Variants in RABGAP1L observed in about 807,000 individuals in gnomAD.
The protein encoded by RABGAP1L is rab GTPase-activating protein 1-like.
RABGAP1L carries 63 observed loss-of-function variants against 137.7 expected under a neutral mutation model. The observed-to-expected ratio is 0.46, with a 90% CI of 0.37 to 0.56. The LOEUF (loss-of-function observed/expected upper bound fraction) is 0.56. RABGAP1L is among the 20% of genes least tolerant of loss of function. The probability of loss-of-function intolerance (pLI) is 0.00; values close to 1 mark genes in which losing one functional copy is unlikely to be tolerated. For synonymous variants in RABGAP1L, 431 were observed against 433.7 expected (o/e 0.99, Z 0.08); for missense variants, 1,095 against 1,244.0 (o/e 0.88, Z 1.80).
At position 174,931,988 on chromosome 1, in the gene RABGAP1L, T is replaced by C. The variant is rs551384421; in HGVS notation, c.2341-25469T>C. ...ATAAAATTTCTTTAGACTGCTTTTT[T>C]GGTTTTTTTTTTTTTTTTTTTTTTT... On this transcript the variant is annotated intron_variant, in intron 19 of 25. Coordinates refer to ENST00000681986, the MANE Select transcript of RABGAP1L (RefSeq NM_001366446.1). Among the ~76,000 whole-genome samples, 2 of 129,556 alleles carry C rather than the reference T, an allele frequency of 1.5e-5. 1 individual carries two copies. The highest frequency in any genetic ancestry group is 4.3e-4 in the East Asian group (2 of 4,616). The allele number at this position is 129,556 out of a possible 152,430, so 85.0% of individuals were successfully genotyped here. A position where few individuals can be genotyped will look rare whatever the true frequency, so the allele number is the denominator to read the frequency against.
chr1:174,740,445 T>G (rs939054729), intron 17 of RABGAP1L, among the ~76,000 whole-genome samples: 20 of 152,130 alleles, frequency 1.3e-4, no homozygotes, highest in African/African-American at 4.8e-4. Flanking sequence ...TAGCATTTCC[T>G]GGTGTGTCAG....
At chr1:174,336,375 T>A (rs1681466454) in intron 11 of RABGAP1L, among the ~76,000 whole-genome samples, 1 of 152,202 alleles carries the variant, frequency 6.6e-6, no homozygotes, top group Admixed American at 6.5e-5. Context: ...TCCTCCTGCC[T>A]TGGCTTTCCA....
intron 13 of RABGAP1L, among the ~76,000 whole-genome samples, chr1:174,560,143 A>C (rs892145172): frequency 6.6e-6 from 1 of 152,112 alleles, no homozygotes; most frequent in Non-Finnish European, 1.5e-5. Flanking sequence ...CAGAAAAAAA[A>C]AAAAAAAGTT....
At chr1:174,727,544 G>A (rs981509274) in intron 17 of RABGAP1L, among the ~76,000 whole-genome samples, 3 of 152,146 alleles carry the variant, frequency 2.0e-5, no homozygotes, top group Admixed American at 1.3e-4. Flanking sequence ...GAGATGGATG[G>A]GAAGAGGATG....
chr1:174,439,756 T>C lies in RABGAP1L; in HGVS notation c.1710+45611T>C, dbSNP rs895528192. 1.4e-4 allele frequency among the ~76,000 whole-genome samples: 22 copies of C among 152,330 alleles called. 1 individual carries two copies. The highest frequency in any genetic ancestry group is 1.4e-3 in the Admixed American group (21 of 15,300). On this transcript the variant is annotated intron_variant, in intron 13 of 25. Coordinates refer to ENST00000681986, the MANE Select transcript of RABGAP1L (RefSeq NM_001366446.1). ...CAGTCCTTTGATAGACTCTTTTAGC[T>C]ATTTTATGTGCTTTATATTAAAATT... is the stretch of plus-strand genomic sequence containing the variant.
intron 17 of RABGAP1L, among the ~76,000 whole-genome samples, chr1:174,707,249 T>TGTTTTGTTTTGTTTTGTTTTGTTTC (rs1558003279): frequency 2.0e-5 from 3 of 152,106 alleles, no homozygotes; most frequent in Non-Finnish European, 4.4e-5. Context: ...TGTTTTGTTT[T>TGTTTTGTTTTGTTTTGTTTTGTTTC]GTTTTTAGGT....
chr1:174,880,580 C>G (rs1036907677), intron 19 of RABGAP1L, among the ~76,000 whole-genome samples: 2 of 139,654 alleles, frequency 1.4e-5, no homozygotes, highest in Non-Finnish European at 3.1e-5. Flanking sequence ...TCCCTCTCTT[C>G]CTTCCTCCCT....
intron 13 of RABGAP1L, among the ~76,000 whole-genome samples, chr1:174,399,460 A>C (rs1482522086): frequency 1.3e-5 from 2 of 152,204 alleles, no homozygotes; most frequent in African/African-American, 4.8e-5. Flanking sequence ...GGGAATGGCA[A>C]GATTTCAAGG....
At chr1:174,517,552 G>A (rs1003082938) in intron 13 of RABGAP1L, among the ~76,000 whole-genome samples, 1 of 152,098 alleles carries the variant, frequency 6.6e-6, no homozygotes, top group Non-Finnish European at 1.5e-5. Context: ...CATAGAAGTA[G>A]ATTCTGTAGA....
At chr1:174,940,014 A>C (rs917371308) in intron 19 of RABGAP1L, among the ~76,000 whole-genome samples, 2 of 152,242 alleles carry the variant, frequency 1.3e-5, no homozygotes, top group South Asian at 2.1e-4. Flanking sequence ...ACCAACTGTA[A>C]GTAAGGCAGA....
chr1:174,165,584 G>C (rs1350627665), intron 1 of RABGAP1L, among the ~76,000 whole-genome samples: 1 of 151,254 alleles, frequency 6.6e-6, no homozygotes, highest in Non-Finnish European at 1.5e-5. Flanking sequence ...CTGCATCCTT[G>C]ATTTCCTGGC....
chr1:174,651,285 G>T (rs895610620), intron 14 of RABGAP1L, among the ~76,000 whole-genome samples: 2 of 152,064 alleles, frequency 1.3e-5, no homozygotes, highest in East Asian at 1.9e-4. Context: ...TAGGTGTGGT[G>T]TGGTGCTGAA....
In RABGAP1L at chr1:174,244,570, A is replaced by G. The variant is rs1251671376; in HGVS notation, c.717+2913A>G. ...CTTCTGCAGGACTGTGCTTTAGTAG[A>G]TTTCAATAATCTATGGCAAAAGAGT... On this transcript the variant is annotated intron_variant, in intron 5 of 25. Transcript: ENST00000681986. 2.0e-5 allele frequency: 3 copies of G among 152,206 alleles called. No individual in the cohort carries two copies. In the East Asian group the frequency reaches 5.8e-4, roughly 29 times the overall value. 9.4% of individuals were successfully genotyped at this position (152,206 alleles called of 1,614,324 possible). A position where few individuals can be genotyped will look rare whatever the true frequency, so the allele number is the denominator to read the frequency against.
At chr1:174,702,296 G>A (rs1361698542) in intron 17 of RABGAP1L, 40 bp downstream of exon 17, 80 of 1,509,624 alleles carry the variant, frequency 5.3e-5, no homozygotes, top group Non-Finnish European at 7.0e-5. Context: ...AAAATAGAAA[G>A]TAGTTTCTAC....
intron 11 of RABGAP1L, among the ~76,000 whole-genome samples, chr1:174,332,208 A>G (rs527718588): frequency 1.3e-5 from 2 of 152,290 alleles, no homozygotes; most frequent in African/African-American, 4.8e-5. Context: ...ATAATTGTAC[A>G]GTTGGGTATT....
intron 18 of RABGAP1L, among the ~76,000 whole-genome samples, chr1:174,770,989 A>G (rs1686071973): frequency 6.6e-6 from 1 of 152,248 alleles, no homozygotes; most frequent in Admixed American, 6.5e-5. Flanking sequence ...TTTAAAAGGG[A>G]TCTTTGGGAG....
At chr1:174,485,414 T>C (rs570860401) in intron 13 of RABGAP1L, among the ~76,000 whole-genome samples, 1 of 152,350 alleles carries the variant, frequency 6.6e-6, no homozygotes, top group South Asian at 2.1e-4. Context: ...CTTGTCATGT[T>C]CTAGATCTTA....
intron 4 of RABGAP1L, among the ~76,000 whole-genome samples, chr1:174,237,505 T>G (rs1235281608): frequency 6.1e-5 from 4 of 65,752 alleles, no homozygotes; most frequent in African/African-American, 1.9e-4. Flanking sequence ...GTCTGTAAAG[T>G]ATTTTATTTC....
intron 23 of RABGAP1L, among the ~76,000 whole-genome samples, chr1:174,981,397 A>C (rs1671090612): frequency 6.6e-6 from 1 of 152,150 alleles, no homozygotes; most frequent in Non-Finnish European, 1.5e-5. Flanking sequence ...GAAACTCAAC[A>C]AACTAAACTC....
Sources: allele counts gnomAD v4.1 joint callset (sites outside exome capture counted in the v4.1 genomes callset), GRCh38; gene constraint gnomAD v4.1.1; transcripts MANE v1.5; gene names NCBI Gene and HGNC (gene_info 2026-07-23, HGNC 2026-07-21).